NSG1: variants seen among roughly 807,000 people sequenced by gnomAD.
NSG1 encodes neuronal vesicle trafficking associated 1, also known as neuronal vesicle trafficking-associated protein 1.
Under a neutral mutation model 19.3 loss-of-function variants are expected in NSG1, and 9 were observed. That is an observed-to-expected ratio of 0.47 (90% CI 0.28 to 0.81). The LOEUF (loss-of-function observed/expected upper bound fraction) is 0.81. NSG1 is among the 40% of genes least tolerant of loss of function. The pLI is 0.11. For synonymous variants in NSG1, 104 were observed against 107.0 expected (o/e 0.97, Z 0.17); for missense variants, 236 against 242.4 (o/e 0.97, Z 0.18).
In NSG1 at chr4:4,417,787, C is replaced by T. The variant is rs550883559; in HGVS notation, c.*352C>T. On this transcript the variant is annotated 3_prime_UTR_variant, in exon 5 of 5. Transcript: ENST00000621129. ...ATTTTGTGGAATTGATTTTCTGAAC[C>T]GACCCTGCTGTCTGCAAACCTTCCT... 7.9e-5 allele frequency: 27 copies of T among 341,932 alleles called. No homozygotes were observed. The highest frequency in any genetic ancestry group is 5.6e-4 in the South Asian group (23 of 40,836). The allele number at this position is 341,932 out of a possible 1,614,324, so 21.2% of individuals were successfully genotyped here.
chr4:4,416,046 T>C, intron 4 of NSG1: 1 of 700,276 alleles, frequency 1.4e-6, no homozygotes, highest in South Asian at 1.5e-5. Context: ...CTTTCTTTTC[T>C]GTCCACACTG....
At chr4:4,402,544 C>T (rs573817137) in intron 3 of NSG1, among the ~76,000 whole-genome samples, 2 of 151,854 alleles carry the variant, frequency 1.3e-5, no homozygotes, top group East Asian at 2.0e-4. Context: ...TCCGCCACTA[C>T]ACCCGGCTAA....
chr4:4,404,336 C>T (rs1281981943), intron 3 of NSG1, among the ~76,000 whole-genome samples: 4 of 152,252 alleles, frequency 2.6e-5, no homozygotes, highest in Non-Finnish European at 5.9e-5. Flanking sequence ...GCTCACCCAG[C>T]TCACCGTGCC....
At chr4:4,392,156 A>T (rs909727778) in intron 3 of NSG1, among the ~76,000 whole-genome samples, 3 of 150,462 alleles carry the variant, frequency 2.0e-5, no homozygotes, top group Non-Finnish European at 4.4e-5. Flanking sequence ...TGTATCCTCC[A>T]TCCTTCCCCC....
At position 4,392,533 on chromosome 4, in the gene NSG1, T is replaced by C. The variant is rs559760885; in HGVS notation, c.246+942T>C. On this transcript the variant is annotated intron_variant, in intron 3 of 4. Coordinates refer to ENST00000621129, the MANE Select transcript of NSG1 (RefSeq NM_014392.5). Reference sequence around the variant, plus strand: ...GAGCCCCTGTGGGTATGGCATCATATTGGATCTCTGTGACAACCTTGTGGA... The same window carrying C: ...GAGCCCCTGTGGGTATGGCATCATACTGGATCTCTGTGACAACCTTGTGGA... Among the ~76,000 whole-genome samples, 11 of 152,278 alleles carry C rather than the reference T, an allele frequency of 7.2e-5. 1 individual carries two copies. In the South Asian group the frequency reaches 2.1e-3, roughly 29 times the overall value.
intron 4 of NSG1, among the ~76,000 whole-genome samples, chr4:4,411,045 A>G (rs185167589): frequency 6.6e-6 from 1 of 152,170 alleles, no homozygotes; most frequent in Admixed American, 6.5e-5. Flanking sequence ...TAGTAGAGAC[A>G]GGGTTTCACC....
At chr4:4,395,695 T>C (rs1228616076) in intron 3 of NSG1, among the ~76,000 whole-genome samples, 2 of 152,150 alleles carry the variant, frequency 1.3e-5, no homozygotes, top group Non-Finnish European at 2.9e-5. Flanking sequence ...ATCTTCCTCG[T>C]CCCACTAGTG....
At chr4:4,415,378 A>C (rs59716211) in intron 4 of NSG1, among the ~76,000 whole-genome samples, 11,022 of 152,186 alleles carry the variant, frequency 0.072, 742 homozygotes, top group African/African-American at 0.18. Flanking sequence ...AGCTCCTCCA[A>C]GTGCAGGCCC....
intron 1 of NSG1, 43 bp from the exon 2 acceptor site, chr4:4,387,561 C>CGGGGGGGGGGGGG: frequency 9.7e-5 from 111 of 1,141,860 alleles, no homozygotes; most frequent in East Asian, 1.9e-4. Flanking sequence ...CGCCCCGCCC[C>CGGGGGGGGGGGGG]GGGTCTTGCT....
chr4:4,400,452 C>G (rs1239430600), intron 3 of NSG1, among the ~76,000 whole-genome samples: 1 of 152,144 alleles, frequency 6.6e-6, no homozygotes, highest in Non-Finnish European at 1.5e-5. Context: ...TCTTTAGGGT[C>G]CCTTGTAATT....
chr4:4,391,700 G>T (rs1723004579), intron 3 of NSG1, 109 bp downstream of exon 3: 4 of 636,524 alleles, frequency 6.3e-6, no homozygotes, highest in Non-Finnish European at 8.2e-6. Context: ...GTTTGTCTGG[G>T]CTCATCCCAG....
At chr4:4,417,175 A>C in intron 4 of NSG1, 60 bp from the exon 5 acceptor site, 2 of 1,443,434 alleles carry the variant, frequency 1.4e-6, no homozygotes, top group Admixed American at 1.7e-5. Flanking sequence ...TGCCAACTGG[A>C]GACACACTGG....
At chr4:4,390,658 A>G (rs1722944265) in intron 2 of NSG1, among the ~76,000 whole-genome samples, 3 of 152,130 alleles carry the variant, frequency 2.0e-5, no homozygotes, top group South Asian at 4.1e-4. Flanking sequence ...GACCTATAAC[A>G]CCTTGACCCT....
chr4:4,392,433 C>T (rs1017139209), intron 3 of NSG1, among the ~76,000 whole-genome samples: 20 of 152,202 alleles, frequency 1.3e-4, no homozygotes, highest in African/African-American at 4.3e-4. Context: ...TCTGGTCACC[C>T]TCCACTTGGC....
intron 3 of NSG1, among the ~76,000 whole-genome samples, chr4:4,398,246 C>T (rs1352261768): frequency 6.6e-6 from 1 of 152,218 alleles, no homozygotes; most frequent in Non-Finnish European, 1.5e-5. Flanking sequence ...AGCCACCACG[C>T]CCGGCTTGGC....
intron 3 of NSG1, among the ~76,000 whole-genome samples, chr4:4,392,367 G>T (rs1723039999): frequency 6.6e-6 from 1 of 152,190 alleles, no homozygotes; most frequent in African/African-American, 2.4e-5. Context: ...ATTCAAGGAG[G>T]TGAATTGAGA....
At chr4:4,403,916 T>A (rs1168232986) in intron 3 of NSG1, among the ~76,000 whole-genome samples, 1 of 152,234 alleles carries the variant, frequency 6.6e-6, no homozygotes, top group Non-Finnish European at 1.5e-5. Flanking sequence ...CCCCCAGGAA[T>A]TCTGCCCAGA....
At chr4:4,392,595 C>G (rs1723053006) in intron 3 of NSG1, among the ~76,000 whole-genome samples, 1 of 152,214 alleles carries the variant, frequency 6.6e-6, no homozygotes, top group Non-Finnish European at 1.5e-5. Context: ...CCCTGGTTAA[C>G]AGATGAAGCC....
At chr4:4,407,970 C>T (rs1055108587) in intron 3 of NSG1, among the ~76,000 whole-genome samples, 9 of 152,118 alleles carry the variant, frequency 5.9e-5, no homozygotes, top group African/African-American at 1.4e-4. Flanking sequence ...GCAGGGTGGC[C>T]GCCCGTCTCC....
Sources: allele counts gnomAD v4.1 joint callset (sites outside exome capture counted in the v4.1 genomes callset), GRCh38; gene constraint gnomAD v4.1.1; transcripts MANE v1.5; gene names NCBI Gene and HGNC (gene_info 2026-07-23, HGNC 2026-07-21).